The following RHOT1 variants were observed in gnomAD, a reference collection of about 807,000 sequenced individuals.
RHOT1 encodes the protein ras homolog family member T1.
In RHOT1, 27 loss-of-function variants were observed where a neutral mutation model predicts 95.3. That is an observed-to-expected ratio of 0.28 (90% CI 0.21 to 0.39). RHOT1 has a LOEUF of 0.39. Among genes scored for constraint, RHOT1 ranks in the 10% least tolerant of loss-of-function variants. The pLI, the probability that RHOT1 is intolerant of heterozygous loss-of-function variation, is 1.00. For synonymous variants in RHOT1, 227 were observed against 263.5 expected (o/e 0.86, Z 1.34); for missense variants, 578 against 786.7 (o/e 0.73, Z 3.17).
intron 1 of RHOT1, among the ~76,000 whole-genome samples, chr17:32,145,257 A>G (rs2031133103): frequency 6.6e-6 from 1 of 152,154 alleles, no homozygotes; most frequent in Non-Finnish European, 1.5e-5. Flanking sequence ...CTGAGATCAC[A>G]CCACTGCATT....
chr17:32,155,901 T>C (rs2032920175), intron 1 of RHOT1, among the ~76,000 whole-genome samples: 1 of 152,202 alleles, frequency 6.6e-6, no homozygotes, highest in African/African-American at 2.4e-5. Context: ...AGAAATCCTA[T>C]CATAAGTGAA....
intron 19 of RHOT1, chr17:32,222,823 C>T (rs2038914198): frequency 1.0e-6 from 1 of 984,904 alleles, no homozygotes; most frequent in Non-Finnish European, 1.2e-6. Context: ...CAGTATTACT[C>T]ACCAGGTGCA....
In RHOT1 at chr17:32,149,629, A is replaced by ATGTGTG. The variant is rs1204046813; in HGVS notation, c.37+6901_37+6902insGTGTGT. On this transcript the variant is annotated intron_variant, in intron 1 of 19. Coordinates refer to ENST00000545287, the MANE Select transcript of RHOT1 (RefSeq NM_001033566.3). ...TATATATATATATATATATATATATATATATATGTGTGTGTGTGTGTGTGT... is the reference window on the plus strand; with the variant it reads ...TATATATATATATATATATATATATATGTGTGTATATATGTGTGTGTGTGTGTGTGT... 1.3e-4 allele frequency among the ~76,000 whole-genome samples: 11 copies of ATGTGTG among 87,460 alleles called. 1 individual carries two copies. Among genetic ancestry groups the ATGTGTG allele is most frequent in the South Asian group, 4.3e-4 (1 of 2,336 alleles). 57.4% of individuals were successfully genotyped at this position (87,460 alleles called of 152,430 possible).
chr17:32,180,238 AAG>A (rs938269623), intron 6 of RHOT1, among the ~76,000 whole-genome samples: 3 of 152,056 alleles, frequency 2.0e-5, no homozygotes, highest in South Asian at 2.1e-4. Context: ...GGGGAAAAGA[AAG>A]AGAGATCAGA....
At chr17:32,219,490 C>T (rs1447702522) in intron 19 of RHOT1, among the ~76,000 whole-genome samples, 1 of 152,172 alleles carries the variant, frequency 6.6e-6, no homozygotes, top group Non-Finnish European at 1.5e-5. Flanking sequence ...TATGCCCTTG[C>T]ACTAAAGATA....
At chr17:32,197,901 GT>G (rs1258501488) in intron 11 of RHOT1, among the ~76,000 whole-genome samples, 2 of 150,790 alleles carry the variant, frequency 1.3e-5, no homozygotes, top group Non-Finnish European at 3.0e-5. Flanking sequence ...TTGTTTTTAT[GT>G]TTGTTTGTTT....
chr17:32,150,623 G>A, intron 1 of RHOT1: 1 of 1,589,478 alleles, frequency 6.3e-7, no homozygotes, highest in Non-Finnish European at 8.6e-7. Context: ...GAGAGATACT[G>A]ATACAGACAG....
At chr17:32,216,226 A>T (rs905687818) in intron 19 of RHOT1, among the ~76,000 whole-genome samples, 3 of 151,766 alleles carry the variant, frequency 2.0e-5, no homozygotes, top group Non-Finnish European at 4.4e-5. Context: ...GTTTGTTTTC[A>T]TTTGTTTGTT....
chr17:32,208,101 C>T lies in RHOT1; in HGVS notation c.1537-6C>T. The T allele has an allele frequency of 6.2e-7, 1 of 1,610,486 alleles. No individual in the cohort carries two copies. Among genetic ancestry groups the T allele is most frequent in the Non-Finnish European group, 8.5e-7 (1 of 1,177,352 alleles). On this transcript the variant is annotated splice_region_variant and splice_polypyrimidine_tract_variant and intron_variant, in intron 17 of 19. Coordinates refer to ENST00000545287, the MANE Select transcript of RHOT1 (RefSeq NM_001033566.3). ...TCAGATTTTGATTTCATTTTTTATT[C>T]CATAGCAACACTTTATGGACAGCAG...
chr17:32,211,227 A>T lies in RHOT1; in HGVS notation c.1851A>T (p.Ala617=). 3 of 1,606,922 alleles carry T rather than the reference A, an allele frequency of 1.9e-6. No homozygotes were observed. The highest frequency in any genetic ancestry group is 2.6e-6 in the Non-Finnish European group (3 of 1,174,992). ...CTGTAAAGAACAAAATCTTCACTGC[A>T]GTTCTTAACAGGTTCTTAACTTTAT... ...LQSVKNKIFT[A]VLNRHVTQAD... is the part of the protein sequence containing the mutation. The change falls in exon 19 of 20, where the codon GCA becomes GCT. Residue 617 remains alanine (A), a synonymous_variant. Coordinates refer to ENST00000545287, the MANE Select transcript of RHOT1 (RefSeq NM_001033566.3).
chr17:32,164,298 G>A (rs538763981), intron 1 of RHOT1, among the ~76,000 whole-genome samples: 7 of 151,728 alleles, frequency 4.6e-5, no homozygotes, highest in South Asian at 2.1e-4. Context: ...CAGTGGCGCC[G>A]TCTTGGCTCA....
intron 8 of RHOT1, 108 bp downstream of exon 8, chr17:32,183,380 T>G (rs757849444): frequency 9.7e-6 from 5 of 514,670 alleles, no homozygotes; most frequent in African/African-American, 2.0e-5. Context: ...CTGCTGAAAT[T>G]TAAATTTATT....
intron 19 of RHOT1, among the ~76,000 whole-genome samples, chr17:32,213,223 G>A (rs1232578909): frequency 6.6e-6 from 1 of 152,126 alleles, no homozygotes; most frequent in South Asian, 2.1e-4. Context: ...TCTATTAAAT[G>A]TCATATTCTT....
chr17:32,214,474 A>G (rs1212497992), intron 19 of RHOT1, among the ~76,000 whole-genome samples: 1 of 152,196 alleles, frequency 6.6e-6, no homozygotes, highest in Non-Finnish European at 1.5e-5. Flanking sequence ...CCAGCTTGCA[A>G]CCTCAGTCTT....
Position 32,193,150 on chromosome 17 carries a change from C to G in RHOT1, c.654C>G (p.Asn218Lys). ...TTTTTTGCTAGAGGATTTGTTTCAA[C>G]ACTCCATTAGCTCCTCAAGCTCTGG... ...ELNFFQRICF[N>K]TPLAPQALED... The change falls in exon 10 of 20, where the codon AAC (asparagine) becomes AAG (lysine). Residue 218 changes from asparagine to lysine, a missense_variant. Asn to Lys is a moderately conservative substitution (Grantham distance 94). Transcript: ENST00000545287. 1 of 1,606,196 alleles carries G rather than the reference C, an allele frequency of 6.2e-7. No individual in the cohort carries two copies. Among genetic ancestry groups the G allele is most frequent in the Non-Finnish European group, 8.5e-7 (1 of 1,175,454 alleles).
intron 1 of RHOT1, among the ~76,000 whole-genome samples, chr17:32,158,030 A>T (rs2033139762): frequency 6.6e-6 from 1 of 151,832 alleles, no homozygotes; most frequent in Admixed American, 6.6e-5. Context: ...TAGTTTTTGT[A>T]TTTCTTATAG....
intron 1 of RHOT1, among the ~76,000 whole-genome samples, chr17:32,163,239 A>G (rs930131110): frequency 6.6e-6 from 1 of 152,190 alleles, no homozygotes; most frequent in African/African-American, 2.4e-5. Context: ...GACTGGAGAA[A>G]GGGATAGGAA....
intron 1 of RHOT1, among the ~76,000 whole-genome samples, chr17:32,169,337 TTGA>T (rs2034374900): frequency 6.6e-6 from 1 of 152,222 alleles, no homozygotes; most frequent in East Asian, 1.9e-4. Context: ...AAGGATTTAG[TTGA>T]TGAATGTCTA....
chr17:32,209,271 A>T, intron 18 of RHOT1: 1 of 671,136 alleles, frequency 1.5e-6, no homozygotes, highest in Non-Finnish European at 2.4e-6. Context: ...AAGACAAGTC[A>T]TTCCTATTAT....
Sources: allele counts gnomAD v4.1 joint callset (sites outside exome capture counted in the v4.1 genomes callset), GRCh38; gene constraint gnomAD v4.1.1; transcripts MANE v1.5; gene names NCBI Gene and HGNC (gene_info 2026-07-23, HGNC 2026-07-21).